AFDN: variants seen among roughly 807,000 people sequenced by gnomAD.
AFDN encodes the protein afadin.
In AFDN, 68 loss-of-function variants were observed where a neutral mutation model predicts 216.6. That is an observed-to-expected ratio of 0.31 (90% CI 0.26 to 0.38). AFDN has a LOEUF of 0.38. AFDN is among the 10% of genes least tolerant of loss of function. The probability of loss-of-function intolerance (pLI) is 1.00; values close to 1 mark genes in which losing one functional copy is unlikely to be tolerated. For missense variants in AFDN, 2,136 were observed against 2,342.0 expected (o/e 0.91, Z 1.82); for synonymous variants, 868 against 853.7 (o/e 1.02, Z -0.29).
In AFDN at chr6:167,914,225, C is replaced by A. The variant is rs1439697978; in HGVS notation, c.2116C>A (p.Leu706Ile). The A allele has an allele frequency of 6.2e-7, 1 of 1,614,176 alleles. No homozygotes were observed. The highest frequency in any genetic ancestry group is 8.5e-7 in the Non-Finnish European group (1 of 1,180,008). ...CTGGATGGCAAATGCATCTGAACTT[C>A]TCAACTTCATTAAGCAAGACCGAGA... is the stretch of plus-strand genomic sequence containing the variant. ...AFWMANASEL[L>I]NFIKQDRDLS... Residue 706 changes from leucine to isoleucine, a missense_variant, in exon 17 of 34, where the codon CTC (leucine) becomes ATC (isoleucine). Transcript: ENST00000683244.
intron 6 of AFDN, among the ~76,000 whole-genome samples, chr6:167,881,463 A>G (rs1385748444): frequency 6.6e-6 from 1 of 152,218 alleles, no homozygotes; most frequent in Non-Finnish European, 1.5e-5. Context: ...TGTAAATGAG[A>G]GGTCTCTGAC....
intron 13 of AFDN, among the ~76,000 whole-genome samples, chr6:167,910,596 G>A (rs1389272179): frequency 6.6e-6 from 1 of 152,180 alleles, no homozygotes. Context: ...ATTGGAAAAT[G>A]ATGATAGTAA....
chr6:167,934,374 A>C lies in AFDN; in HGVS notation c.3100-8755A>C, dbSNP rs567665452. On this transcript the variant is annotated intron_variant, in intron 23 of 33. Coordinates refer to ENST00000683244, the MANE Select transcript of AFDN (RefSeq NM_001386888.1). ...CAAGGTTGCTGAATGTAGAATTCATATACAAAGTGAATTTTAGAACTGATT... is the reference window on the plus strand; with the variant it reads ...CAAGGTTGCTGAATGTAGAATTCATCTACAAAGTGAATTTTAGAACTGATT... Among the ~76,000 whole-genome samples the C allele has an allele frequency of 4.6e-5, 7 of 152,358 alleles. No homozygotes were observed. In the East Asian group the frequency reaches 1.3e-3, roughly 29 times the overall value.
chr6:167,965,424 A>G (rs1797443341), intron 31 of AFDN, among the ~76,000 whole-genome samples: 1 of 152,230 alleles, frequency 6.6e-6, no homozygotes, highest in Admixed American at 6.5e-5. Flanking sequence ...AGAAGGAAGT[A>G]ACAGGAGCGT....
At chr6:167,924,901 C>G (rs1248516855) in intron 22 of AFDN, 104 bp from the exon 23 acceptor site, 2 of 827,796 alleles carry the variant, frequency 2.4e-6, no homozygotes, top group East Asian at 4.9e-5. Context: ...TTTTTCTTTC[C>G]CCATTTGCTC....
At chr6:167,872,155 A>G (rs1359552509) in intron 3 of AFDN, 59 bp from the exon 4 acceptor site, 1 of 1,522,650 alleles carries the variant, frequency 6.6e-7, no homozygotes, top group African/African-American at 1.4e-5. Flanking sequence ...CCTAAGCCGT[A>G]GGCAATTTTA....
intron 5 of AFDN, 37 bp from the exon 6 acceptor site, chr6:167,880,322 AG>A: frequency 1.3e-6 from 2 of 1,595,900 alleles, no homozygotes; most frequent in Non-Finnish European, 1.7e-6. Context: ...ACTGGCATAA[AG>A]TAAGTTGTAC....
At chr6:167,966,113 G>A in intron 32 of AFDN, 68 bp downstream of exon 32, 1 of 1,535,748 alleles carries the variant, frequency 6.5e-7, no homozygotes, top group Non-Finnish European at 8.7e-7. Flanking sequence ...TTAAACCACG[G>A]CCACCCCCCT....
chr6:167,839,571 C>T (rs1780820056), intron 1 of AFDN, among the ~76,000 whole-genome samples: 1 of 152,168 alleles, frequency 6.6e-6, no homozygotes, highest in African/African-American at 2.4e-5. Context: ...AATGAGCTTG[C>T]TGTGCCTTAA....
intron 2 of AFDN, among the ~76,000 whole-genome samples, chr6:167,866,115 C>T (rs1252843866): frequency 6.6e-6 from 1 of 152,076 alleles, no homozygotes; most frequent in East Asian, 1.9e-4. Context: ...CTCACTTCCA[C>T]CTTTTTTTTC....
chr6:167,843,902 G>T, intron 1 of AFDN, among the ~76,000 whole-genome samples: 1 of 152,162 alleles, frequency 6.6e-6, no homozygotes, highest in East Asian at 1.9e-4. Flanking sequence ...GGGATAGTTA[G>T]GCTGTTGAAG....
chr6:167,886,537 A>C (rs1211037907), intron 6 of AFDN, among the ~76,000 whole-genome samples: 1 of 152,158 alleles, frequency 6.6e-6, no homozygotes, highest in Non-Finnish European at 1.5e-5. Flanking sequence ...GAGCTCTGTT[A>C]CAATCCTGGG....
chr6:167,930,015 G>A (rs1290168935), intron 23 of AFDN, among the ~76,000 whole-genome samples: 2 of 151,996 alleles, frequency 1.3e-5, no homozygotes, highest in South Asian at 2.1e-4. Context: ...ACCAGTCCAG[G>A]CAACAAGGTG....
In AFDN at chr6:167,914,200, C is replaced by T. The variant is rs377570470; in HGVS notation, c.2091C>T (p.Phe697=). The change falls in exon 17 of 34, where the codon TTC becomes TTT. Residue 697 remains phenylalanine, a synonymous_variant. Transcript: ENST00000683244. ...AGAATATTGCAGGGGCACTTGCCTT[C>T]TGGATGGCAAATGCATCTGAACTTC... ...KQKNIAGALA[F]WMANASELLN... 55 of 1,614,040 alleles carry T rather than the reference C, an allele frequency of 3.4e-5. No homozygotes were observed. Among genetic ancestry groups the T allele is most frequent in the African/African-American group, 2.1e-4 (16 of 74,930 alleles).
rs1198261432 is a variant in AFDN at position 167,962,601 on chromosome 6, C to T, written c.4968+34C>T. On this transcript the variant is annotated intron_variant, in intron 31 of 33. Transcript: ENST00000683244. This position sits in a 1 kb window ranked among gnomAD's most constrained non-coding sequence, Gnocchi z 5.2. Reference sequence around the variant, plus strand: ...CCTTTAAGGGCAGCTAGAATTTTACCAAGTTAGCCTGAACGTAATCGATTG... The same window carrying T: ...CCTTTAAGGGCAGCTAGAATTTTACTAAGTTAGCCTGAACGTAATCGATTG... 3 of 1,613,482 alleles carry T rather than the reference C, an allele frequency of 1.9e-6. No individual in the cohort carries two copies.
intron 20 of AFDN, among the ~76,000 whole-genome samples, chr6:167,917,954 C>A (rs552266963): frequency 6.6e-6 from 1 of 152,310 alleles, no homozygotes; most frequent in Non-Finnish European, 1.5e-5. Context: ...GTGCAAAGTG[C>A]ATAGAATATG....
chr6:167,896,878 A>G lies in AFDN; in HGVS notation c.1223A>G (p.Asp408Gly). ...AGCTGTCTTCCTTCTCTTCTCACAG[A>G]TGGTTCTGACTCTAGAGATAAGCCA... ...FAYYNYHTYE[D>G]GSDSRDKPKL... The change falls in exon 10 of 34, where the codon GAT becomes GGT. Residue 408 changes from aspartate to glycine, a missense_variant and splice_region_variant. Physicochemically the swap from Asp to Gly is moderately conservative, Grantham distance 94. Transcript: ENST00000683244. The G allele has an allele frequency of 6.2e-7, 1 of 1,601,460 alleles. No individual in the cohort carries two copies. The highest frequency in any genetic ancestry group is 1.1e-5 in the South Asian group (1 of 90,444).
chr6:167,889,435 C>CTTGATG lies in AFDN; in HGVS notation c.1009+112_1009+113insATGTTG. 5 of 770,586 alleles carry CTTGATG rather than the reference C, an allele frequency of 6.5e-6. No homozygotes were observed. In the South Asian group the frequency reaches 9.8e-5, roughly 15 times the overall value. 47.7% of individuals were successfully genotyped at this position (770,586 alleles called of 1,614,324 possible). Reference sequence around the variant, plus strand: ...GTGTACGTTAATGTTTTTGGATGGCCTTGTTGTTGTTGTTGTTGAGACAGT... The same window carrying CTTGATG: ...GTGTACGTTAATGTTTTTGGATGGCCTTGATGTTGTTGTTGTTGTTGTTGAGACAGT... On this transcript the variant is annotated intron_variant, in intron 7 of 33. Transcript: ENST00000683244.
intron 1 of AFDN, among the ~76,000 whole-genome samples, chr6:167,829,304 T>C (rs979161297): frequency 6.6e-6 from 1 of 152,166 alleles, no homozygotes; most frequent in Non-Finnish European, 1.5e-5. Context: ...TACTATTAAA[T>C]TTATTCTGGT....
Sources: allele counts gnomAD v4.1 joint callset (sites outside exome capture counted in the v4.1 genomes callset), GRCh38; gene constraint gnomAD v4.1.1; non-coding constraint Gnocchi (gnomAD v3.1); transcripts MANE v1.5; gene names NCBI Gene and HGNC (gene_info 2026-07-23, HGNC 2026-07-21).